The following RPTOR variants were observed in gnomAD, a reference collection of about 807,000 sequenced individuals.
The protein encoded by RPTOR is regulatory associated protein of MTOR complex 1.
A neutral mutation model predicts 169.9 loss-of-function variants in RPTOR; 21 were observed. The observed-to-expected ratio is 0.12, with a 90% CI of 0.09 to 0.18. The LOEUF (loss-of-function observed/expected upper bound fraction) is 0.18. Among genes scored for constraint, RPTOR ranks in the 10% least tolerant of loss-of-function variants. The pLI is 1.00. For synonymous variants in RPTOR, 732 were observed against 753.2 expected (o/e 0.97, Z 0.46); for missense variants, 1,133 against 1,855.9 (o/e 0.61, Z 7.16).
At position 80,947,467 on chromosome 17, in the gene RPTOR, G is replaced by A. The variant is rs114951990; in HGVS notation, c.3265+116G>A. 2.7e-3 allele frequency: 3,450 copies of A among 1,301,526 alleles called. 70 individuals carry two copies. The African/African-American group carries it at 0.046, about 17-fold the overall frequency. 80.6% of individuals were successfully genotyped at this position (1,301,526 alleles called of 1,614,324 possible). ...GTCTTACAGAAAGCCCTGCTCACAC[G>A]CGAGGGCCACTGTCATTCAGAAGTG... On this transcript the variant is annotated intron_variant, in intron 27 of 33. Coordinates refer to ENST00000306801, the MANE Select transcript of RPTOR (RefSeq NM_020761.3). This position sits in a 1 kb window ranked among gnomAD's most constrained non-coding sequence, Gnocchi z 4.4.
chr17:80,880,479 C>A lies in RPTOR; in HGVS notation c.1574C>A (p.Pro525His), dbSNP rs756025816. The part of the protein sequence containing the change: ...HKYFLSVLAD[P>H]YMPAEHRTMT... Reference sequence around the variant, plus strand: ...TACTTCCTGTCGGTCCTGGCGGACCCCTACATGCCAGTAAGGACGGGGCAG... The same window carrying A: ...TACTTCCTGTCGGTCCTGGCGGACCACTACATGCCAGTAAGGACGGGGCAG... Residue 525 changes from proline to histidine, a missense_variant, in exon 14 of 34, where the codon CCC becomes CAC. This residue lies in a region of RPTOR where 289 missense variants were observed against 585.8 expected (regional missense o/e 0.49). Coordinates refer to ENST00000306801, the MANE Select transcript of RPTOR (RefSeq NM_020761.3). 1.9e-6 allele frequency: 3 copies of A among 1,613,598 alleles called. No individual in the cohort carries two copies. The Admixed American group carries it at 5.0e-5, about 27-fold the overall frequency.
chr17:80,837,501 C>T (rs1382673525), intron 9 of RPTOR, among the ~76,000 whole-genome samples: 1 of 152,236 alleles, frequency 6.6e-6, no homozygotes, highest in African/African-American at 2.4e-5. Flanking sequence ...TCCCGCGTCC[C>T]TCCAGGACGC....
chr17:80,846,115 G>A (rs1228780114), intron 10 of RPTOR, among the ~76,000 whole-genome samples: 1 of 152,216 alleles, frequency 6.6e-6, no homozygotes. Flanking sequence ...CACTCACGGG[G>A]TCCCCTGCCC....
chr17:80,800,778 C>T (rs532327900), intron 7 of RPTOR, among the ~76,000 whole-genome samples: 7 of 152,274 alleles, frequency 4.6e-5, no homozygotes, highest in Admixed American at 2.6e-4. Context: ...CAGAAAGCTC[C>T]GGGGAACCTG....
intron 13 of RPTOR, chr17:80,858,181 T>C (rs2067876377): frequency 8.6e-6 from 4 of 463,466 alleles, no homozygotes; most frequent in South Asian, 2.5e-5. Flanking sequence ...CCTGGTGCCC[T>C]GCACTCAGTC....
At chr17:80,951,057 C>A (rs545203360) in intron 28 of RPTOR, among the ~76,000 whole-genome samples, 25 of 152,206 alleles carry the variant, frequency 1.6e-4, no homozygotes, top group Admixed American at 1.4e-3. Flanking sequence ...TCCATGAGAC[C>A]CCCCTAGAAG....
rs1251989076 is a variant in RPTOR, at chr17:80,936,603, T to C, written c.2920-3893T>C. The stretch of plus-strand genomic sequence containing the variant: ...GGAAGAAGCTGCTCAAAAGACTGTA[T>C]CCTGTATGATCCATGTATACAACAT... On this transcript the variant is annotated intron_variant, in intron 24 of 33. Coordinates refer to ENST00000306801, the MANE Select transcript of RPTOR (RefSeq NM_020761.3). The surrounding 1 kb of genome is among the most constrained non-coding windows in gnomAD (Gnocchi z 4.1). 6.6e-6 allele frequency among the ~76,000 whole-genome samples: 1 copy of C among 152,180 alleles called. No individual in the cohort carries two copies. The highest frequency in any genetic ancestry group is 2.4e-5 in the African/African-American group (1 of 41,450).
At chr17:80,887,883 TC>T (rs5822371) in intron 17 of RPTOR, among the ~76,000 whole-genome samples, 58,913 of 151,982 alleles carry the variant, frequency 0.39, 12,103 homozygotes, top group Admixed American at 0.47. Context: ...ATTTTGAACT[TC>T]AACCTGTCTT....
intron 6 of RPTOR, chr17:80,774,381 C>G: frequency 1.0e-6 from 1 of 980,316 alleles, no homozygotes; most frequent in Non-Finnish European, 1.2e-6. Context: ...AGTATTCTCC[C>G]TTATGGTGTC....
intron 1 of RPTOR, among the ~76,000 whole-genome samples, chr17:80,590,339 C>T (rs919300178): frequency 2.0e-5 from 3 of 149,368 alleles, no homozygotes; most frequent in Non-Finnish European, 4.4e-5. Context: ...CGCAGGTATG[C>T]GCACATGCAT....
At chr17:80,935,489 G>A (rs1032753828) in intron 24 of RPTOR, among the ~76,000 whole-genome samples, 18 of 152,308 alleles carry the variant, frequency 1.2e-4, no homozygotes, top group African/African-American at 4.1e-4. Context: ...GTGTGGGATT[G>A]GTGAAAGGTT....
chr17:80,907,570 C>T (rs1450169118), intron 20 of RPTOR, among the ~76,000 whole-genome samples: 2 of 152,248 alleles, frequency 1.3e-5, no homozygotes, highest in African/African-American at 4.8e-5. Flanking sequence ...GCAATGCCTG[C>T]TCCATCAGCC....
chr17:80,568,000 G>A (rs1382173760), intron 1 of RPTOR, among the ~76,000 whole-genome samples: 1 of 151,414 alleles, frequency 6.6e-6, no homozygotes, highest in Admixed American at 6.6e-5. Context: ...TCTGCCTCCC[G>A]GGTTCAAGCA....
chr17:80,947,577 T>G lies in RPTOR; in HGVS notation c.3265+226T>G, dbSNP rs2069118651. On this transcript the variant is annotated intron_variant, in intron 27 of 33. Coordinates refer to ENST00000306801, the MANE Select transcript of RPTOR (RefSeq NM_020761.3). This position sits in a 1 kb window ranked among gnomAD's most constrained non-coding sequence, Gnocchi z 4.4. ...TCCTTGAGGGTTCCAGGGACTTGTC[T>G]TCTCATCTCAGTCCTCTAGCCCTTC... 1.3e-5 allele frequency among the ~76,000 whole-genome samples: 2 copies of G among 152,158 alleles called. No homozygotes were observed. Among genetic ancestry groups the G allele is most frequent in the Non-Finnish European group, 2.9e-5 (2 of 68,028 alleles).
rs8067046 is a variant in RPTOR at position 80,646,358 on chromosome 17, G to T, written c.348+2548G>T. On this transcript the variant is annotated intron_variant, in intron 3 of 33. Coordinates refer to ENST00000306801, the MANE Select transcript of RPTOR (RefSeq NM_020761.3). The surrounding 1 kb of genome is among the most constrained non-coding windows in gnomAD (Gnocchi z 5.0). ...ACCGGCTCCCAGGTGTGAGCGTGGG[G>T]CTGTGCCATATGCACTGGGTAATAA... Among the ~76,000 whole-genome samples, 46,131 of 152,028 alleles carry T rather than the reference G, an allele frequency of 0.3. 7,121 individuals are homozygous for T. Among genetic ancestry groups the T allele is most frequent in the Middle Eastern group, 0.37 (108 of 292 alleles).
chr17:80,644,565 A>G (rs2065579154), intron 3 of RPTOR, among the ~76,000 whole-genome samples: 1 of 152,202 alleles, frequency 6.6e-6, no homozygotes, highest in Non-Finnish European at 1.5e-5. Context: ...CCTAAAGGAA[A>G]TAATGAAGAA....
chr17:80,702,380 A>G (rs140919903), intron 3 of RPTOR, among the ~76,000 whole-genome samples: 70 of 152,290 alleles, frequency 4.6e-4, no homozygotes, highest in Middle Eastern at 6.8e-3. Flanking sequence ...AATAGGCTGT[A>G]GTTTAGAGAC....
At position 80,665,306 on chromosome 17, in the gene RPTOR, TGAGAAAA is replaced by T. The variant is rs11277002; in HGVS notation, c.348+21497_348+21503del. Among the ~76,000 whole-genome samples the T allele has an allele frequency of 3.5e-3, 533 of 150,160 alleles. 3 individuals carry two copies. Among genetic ancestry groups the T allele is most frequent in the African/African-American group, 0.013 (512 of 40,234 alleles). On this transcript the variant is annotated intron_variant, in intron 3 of 33. Coordinates refer to ENST00000306801, the MANE Select transcript of RPTOR (RefSeq NM_020761.3). ...CTAACCACACTGCTTGTTTTCTTCT[TGAGAAAA>T]TTTTTTTCTTTTCTTTTCCCTTTCC... is the stretch of plus-strand genomic sequence containing the variant.
chr17:80,634,294 T>TGTGTGTGCATACC (rs1491185131), intron 2 of RPTOR, among the ~76,000 whole-genome samples: 1 of 119,274 alleles, frequency 8.4e-6, no homozygotes, highest in African/African-American at 3.6e-5. Flanking sequence ...GTGTGCGTAC[T>TGTGTGTGCATACC]GTGTGTGTGC....
Sources: gnomAD v4.1 joint callset for allele counts (sites outside exome capture counted in the v4.1 genomes callset) on GRCh38, gnomAD v4.1.1 for gene constraint, gnomAD v4.1.1 regional missense constraint, Gnocchi (gnomAD v3.1) non-coding constraint, MANE v1.5 for transcripts, NCBI Gene and HGNC (gene_info 2026-07-23, HGNC 2026-07-21) for gene names.